NUDCD3: variants seen among roughly 807,000 people sequenced by gnomAD.
NUDCD3 encodes the protein NudC domain containing 3.
Under a neutral mutation model 39.7 loss-of-function variants are expected in NUDCD3, and 13 were observed. The observed-to-expected ratio is 0.33, with a 90% CI of 0.21 to 0.52. The LOEUF (loss-of-function observed/expected upper bound fraction) is 0.52. Among genes scored for constraint, NUDCD3 ranks in the 20% least tolerant of loss-of-function variants. The pLI is 0.96. For missense variants in NUDCD3, 453 were observed against 458.1 expected, an observed-to-expected ratio of 0.99 and a Z score of 0.10; for synonymous variants, 175 against 172.4, an observed-to-expected ratio of 1.02 and a Z score of -0.12.
chr7:44,463,624 G>A (rs1335104078), intron 2 of NUDCD3, among the ~76,000 whole-genome samples: 1 of 152,000 alleles, frequency 6.6e-6, no homozygotes, highest in Admixed American at 6.6e-5. Context: ...GCCTCCAAGT[G>A]GTGTGAGAGG....
chr7:44,404,429 C>CCCAAACTTA lies in NUDCD3; in HGVS notation c.786+2_786+10dup. 6.2e-7 allele frequency: 1 copy of CCCAAACTTA among 1,612,912 alleles called. No homozygotes were observed. Among genetic ancestry groups the CCCAAACTTA allele is most frequent in the Non-Finnish European group, 8.5e-7 (1 of 1,179,350 alleles). On this transcript the variant is annotated intron_variant, in intron 4 of 5. Coordinates refer to ENST00000355451, the MANE Select transcript of NUDCD3 (RefSeq NM_015332.4). ...CACCTGGGAGCCCTACACACAGGTG[C>CCCAAACTTA]CCAAACTTACCAAAACGCACTTCCC...
In NUDCD3 at chr7:44,461,911, T is replaced by C. The variant is rs567657173; in HGVS notation, c.509+23057A>G. The stretch of plus-strand genomic sequence containing the variant: ...GCAAGGAGGTGGACCGTGTAAAAGC[T>C]GTCCACAGTTGGGATGGACACAGTT... On this transcript the variant is annotated intron_variant, in intron 2 of 5. Transcript: ENST00000355451. 2.0e-4 allele frequency among the ~76,000 whole-genome samples: 31 copies of C among 152,266 alleles called. No individual in the cohort carries two copies. In the South Asian group the frequency reaches 2.5e-3, roughly 12 times the overall value.
At chr7:44,488,505 G>A (rs1019845207) in intron 1 of NUDCD3, among the ~76,000 whole-genome samples, 7 of 152,050 alleles carry the variant, frequency 4.6e-5, no homozygotes, top group Non-Finnish European at 8.8e-5. Context: ...CCCAAGGCCT[G>A]TTCTTCACCT....
rs755869101 is a variant in NUDCD3, at chr7:44,490,536, T to C, written c.65A>G (p.Asn22Ser). ...GAGAACGCGCAGGAAATCCTGGACG[T>C]TGCCCACGTGCTGCAGGATGCCCAA... The part of the protein sequence containing the change: ...ALLGILQHVG[N>S]VQDFLRVLFG... The change falls in exon 1 of 6, where the codon AAC becomes AGC. Residue 22 changes from asparagine to serine, a missense_variant. By Grantham distance (46) the Asn-to-Ser change is conservative. Coordinates refer to ENST00000355451, the MANE Select transcript of NUDCD3 (RefSeq NM_015332.4). 6.2e-7 allele frequency: 1 copy of C among 1,612,408 alleles called. No individual in the cohort carries two copies. Among genetic ancestry groups the C allele is most frequent in the African/African-American group, 1.3e-5 (1 of 75,002 alleles).
chr7:44,442,529 C>T (rs1585081841), intron 2 of NUDCD3, among the ~76,000 whole-genome samples: 1 of 152,234 alleles, frequency 6.6e-6, no homozygotes, highest in East Asian at 1.9e-4. Flanking sequence ...TTCAGCCCCA[C>T]GAGGGCTGAA....
At chr7:44,429,234 A>G (rs1799302948) in intron 2 of NUDCD3, among the ~76,000 whole-genome samples, 2 of 152,202 alleles carry the variant, frequency 1.3e-5, no homozygotes, top group African/African-American at 4.8e-5. Flanking sequence ...CTATGTTGGA[A>G]TCTTAATCCC....
rs565579885 is a variant in NUDCD3 at position 44,402,411 on chromosome 7, G to A, written c.786+2029C>T. On this transcript the variant is annotated intron_variant, in intron 4 of 5. Transcript: ENST00000355451. ...AGAAACATGGCTTTGAAATATCCAC[G>A]AAGAAGTTAGAGTTACTTCCGTCAA... Among the ~76,000 whole-genome samples, 61 of 152,228 alleles carry A rather than the reference G, an allele frequency of 4.0e-4. 1 individual carries two copies. Among genetic ancestry groups the A allele is most frequent in the African/African-American group, 1.4e-3 (58 of 41,526 alleles).
At chr7:44,489,657 C>A (rs573619039) in intron 1 of NUDCD3, among the ~76,000 whole-genome samples, 2 of 152,336 alleles carry the variant, frequency 1.3e-5, no homozygotes, top group Admixed American at 6.5e-5. Context: ...CCTTTCTTTA[C>A]AATGGGCTCC....
chr7:44,484,930 C>A (rs373855791), intron 2 of NUDCD3, 38 bp downstream of exon 2: 1 of 1,464,192 alleles, frequency 6.8e-7, no homozygotes, highest in Non-Finnish European at 9.3e-7. Flanking sequence ...CCAGATGTTA[C>A]GCAAGAAAGA....
At chr7:44,470,937 A>C (rs530737160) in intron 2 of NUDCD3, among the ~76,000 whole-genome samples, 1 of 152,246 alleles carries the variant, frequency 6.6e-6, no homozygotes, top group Non-Finnish European at 1.5e-5. Context: ...GTTACTGAAG[A>C]GTGGCATTCA....
chr7:44,385,921 G>A lies in NUDCD3; in HGVS notation c.*90C>T, dbSNP rs1798392668. On this transcript the variant is annotated 3_prime_UTR_variant, in exon 6 of 6. Coordinates refer to ENST00000355451, the MANE Select transcript of NUDCD3 (RefSeq NM_015332.4). ...GGATGGCTAGGGGTAAACAAGACGA[G>A]CAAGTCCCTGGAATGCAGGGAGCCA... The A allele has an allele frequency of 5.4e-6, 4 of 736,232 alleles. No homozygotes were observed. Among genetic ancestry groups the A allele is most frequent in the East Asian group, 5.0e-5 (2 of 39,864 alleles). The allele number at this position is 736,232 out of a possible 1,614,324, so 45.6% of individuals were successfully genotyped here.
chr7:44,447,577 C>T (rs371554552), intron 2 of NUDCD3, among the ~76,000 whole-genome samples: 11 of 152,334 alleles, frequency 7.2e-5, no homozygotes, highest in African/African-American at 2.2e-4. Flanking sequence ...GACACAGCAT[C>T]AGGCCCATCT....
chr7:44,449,852 T>TAAA (rs58410314), intron 2 of NUDCD3, among the ~76,000 whole-genome samples: 4 of 100,834 alleles, frequency 4.0e-5, no homozygotes, highest in Non-Finnish European at 2.1e-5. Flanking sequence ...ACATGATCCA[T>TAAA]AAAAAAAAAA....
rs185530035 is a variant in NUDCD3, at chr7:44,381,984, G to A, written c.*4027C>T. 1.3e-5 allele frequency: 2 copies of A among 152,380 alleles called. No homozygotes were observed. The highest frequency in any genetic ancestry group is 6.5e-5 in the Admixed American group (1 of 15,300). The allele number at this position is 152,380 out of a possible 1,614,324, so 9.4% of individuals were successfully genotyped here. ...CTCTGAGGGGGAAGCAGGAAGTTGT[G>A]AGGGGTAGCCGGGCCTGACCTCTCT... is the stretch of plus-strand genomic sequence containing the variant. On this transcript the variant is annotated 3_prime_UTR_variant, in exon 6 of 6. Transcript: ENST00000355451.
chr7:44,459,198 T>G (rs1355031754), intron 2 of NUDCD3, among the ~76,000 whole-genome samples: 4 of 151,310 alleles, frequency 2.6e-5, no homozygotes, highest in African/African-American at 9.8e-5. Flanking sequence ...TTTTCTTAAT[T>G]TTTTCTTTTT....
chr7:44,447,304 GC>G (rs1312916649), intron 2 of NUDCD3, among the ~76,000 whole-genome samples: 1 of 152,194 alleles, frequency 6.6e-6, no homozygotes, highest in Non-Finnish European at 1.5e-5. Context: ...CCTGCCCCAG[GC>G]CAACAAACAC....
At chr7:44,461,079 C>T (rs1800000957) in intron 2 of NUDCD3, among the ~76,000 whole-genome samples, 1 of 152,204 alleles carries the variant, frequency 6.6e-6, no homozygotes. Flanking sequence ...CTATACCCCT[C>T]CCAAGGGGAT....
chr7:44,447,591 A>T (rs867514338), intron 2 of NUDCD3, among the ~76,000 whole-genome samples: 16 of 152,172 alleles, frequency 1.1e-4, no homozygotes, highest in Non-Finnish European at 2.2e-4. Flanking sequence ...CCCATCTTAG[A>T]AGCAGAGAGC....
chr7:44,427,748 C>A, intron 2 of NUDCD3, 45 bp from the exon 3 acceptor site: 1 of 1,600,352 alleles, frequency 6.2e-7, no homozygotes, highest in South Asian at 1.1e-5. Flanking sequence ...CATGCCTGAG[C>A]AGAGGACCCC....
Sources: allele counts gnomAD v4.1 joint callset (sites outside exome capture counted in the v4.1 genomes callset), GRCh38; gene constraint gnomAD v4.1.1; transcripts MANE v1.5; gene names NCBI Gene and HGNC (gene_info 2026-07-23, HGNC 2026-07-21).